The following CAMTA1 variants were observed in gnomAD, a reference collection of about 807,000 sequenced individuals.
The protein encoded by CAMTA1 is calmodulin-binding transcription activator 1.
In CAMTA1, 27 loss-of-function variants were observed where a neutral mutation model predicts 170.9. That is an observed-to-expected ratio of 0.16 (90% CI 0.12 to 0.22). The LOEUF is 0.22. CAMTA1 is among the 10% of genes least tolerant of loss of function. The pLI, the probability that CAMTA1 is intolerant of heterozygous loss-of-function variation, is 1.00. For missense variants in CAMTA1, 1,619 were observed against 2,217.2 expected (o/e 0.73, Z 5.42); for synonymous variants, 833 against 891.5 (o/e 0.93, Z 1.17).
rs1472671095 is a variant in CAMTA1 at position 6,855,112 on chromosome 1, CTT to C, written c.234+29904_234+29905del. On this transcript the variant is annotated intron_variant, in intron 3 of 22. Transcript: ENST00000303635. ...ATATGTAGAAAATTAAAAAAAACCTCTTTATAACTTATTATAAATAATAAGCT... is the reference window on the plus strand; with the variant it reads ...ATATGTAGAAAATTAAAAAAAACCTCTATAACTTATTATAAATAATAAGCT... Among the ~76,000 whole-genome samples, 4 of 152,132 alleles carry C rather than the reference CTT, an allele frequency of 2.6e-5. No homozygotes were observed. In the East Asian group the frequency reaches 7.7e-4, roughly 29 times the overall value.
chr1:7,309,602 A>C (rs1309465663), intron 5 of CAMTA1, among the ~76,000 whole-genome samples: 1 of 151,976 alleles, frequency 6.6e-6, no homozygotes, highest in Non-Finnish European at 1.5e-5. Flanking sequence ...CCCGGCCTGA[A>C]AACTTTTATT....
chr1:7,692,689 T>A (rs2096330769), intron 11 of CAMTA1, among the ~76,000 whole-genome samples: 1 of 152,118 alleles, frequency 6.6e-6, no homozygotes. Flanking sequence ...TGTTGAAGCC[T>A]CCCAGCACCC....
At chr1:7,576,556 C>T (rs2150364832) in intron 6 of CAMTA1, among the ~76,000 whole-genome samples, 1 of 152,334 alleles carries the variant, frequency 6.6e-6, no homozygotes, top group South Asian at 2.1e-4. Flanking sequence ...GAAGGGGCCT[C>T]ACCAGACACT....
rs2095021447 is a variant in CAMTA1, at chr1:7,565,024, T to G, written c.511-75376T>G. 2.1e-5 allele frequency among the ~76,000 whole-genome samples: 3 copies of G among 144,162 alleles called. No individual in the cohort carries two copies. Among genetic ancestry groups the G allele is most frequent in the African/African-American group, 5.2e-5 (2 of 38,794 alleles). 94.6% of individuals were successfully genotyped at this position (144,162 alleles called of 152,430 possible). A position where few individuals can be genotyped will look rare whatever the true frequency, so the allele number is the denominator to read the frequency against. On this transcript the variant is annotated intron_variant, in intron 6 of 22. Coordinates refer to ENST00000303635, the MANE Select transcript of CAMTA1 (RefSeq NM_015215.4). The surrounding 1 kb of genome is among the most constrained non-coding windows in gnomAD (Gnocchi z 4.5). ...GTGACAACCACGAGATCAAGGTGGATGGGGGGTGGGAGCAGAAGGGCAAGG... is the reference window on the plus strand; with the variant it reads ...GTGACAACCACGAGATCAAGGTGGAGGGGGGGTGGGAGCAGAAGGGCAAGG...
chr1:6,809,406 A>G (rs1451589099), intron 1 of CAMTA1, among the ~76,000 whole-genome samples: 1 of 152,104 alleles, frequency 6.6e-6, no homozygotes, highest in East Asian at 1.9e-4. Context: ...TGGGTCAAAG[A>G]TCAGGGAGTC....
At chr1:7,254,269 C>T (rs1047712828) in intron 5 of CAMTA1, among the ~76,000 whole-genome samples, 5 of 152,192 alleles carry the variant, frequency 3.3e-5, no homozygotes, top group Admixed American at 6.5e-5. Context: ...GCGGCCCTCT[C>T]GGCTCTTAAG....
rs576144919 is a variant in CAMTA1 at position 6,979,318 on chromosome 1, C to T, written c.235-111986C>T. Among the ~76,000 whole-genome samples the T allele has an allele frequency of 6.6e-5, 10 of 152,272 alleles. No homozygotes were observed. The South Asian group carries it at 1.0e-3, about 16-fold the overall frequency. On this transcript the variant is annotated intron_variant, in intron 3 of 22. Transcript: ENST00000303635. ...CCTCTCCCACTCTGCAGGCAGCTGCCGCCTCCTCCAACTCCTGGGCCTATT... is the reference window on the plus strand; with the variant it reads ...CCTCTCCCACTCTGCAGGCAGCTGCTGCCTCCTCCAACTCCTGGGCCTATT...
At chr1:7,142,053 G>T in intron 4 of CAMTA1, 1 of 516,000 alleles carries the variant, frequency 1.9e-6, no homozygotes. Flanking sequence ...GTGCTGGGAA[G>T]GGCCCTTGCT....
intron 6 of CAMTA1, among the ~76,000 whole-genome samples, chr1:7,501,274 T>C (rs192268740): frequency 9.1e-4 from 138 of 152,152 alleles, no homozygotes; most frequent in African/African-American, 3.3e-3. Flanking sequence ...GGGAGGCAGA[T>C]TGCTGAGATG....
Position 6,887,818 on chromosome 1 carries a change from T to TA in CAMTA1, c.234+62610dup. ...CTTTAAGACAGTTCTATTAGTGAAT[T>TA]AACTGTTCTCAAAACCCCAAATTAA... On this transcript the variant is annotated intron_variant, in intron 3 of 22. Coordinates refer to ENST00000303635, the MANE Select transcript of CAMTA1 (RefSeq NM_015215.4). This position sits in a 1 kb window ranked among gnomAD's most constrained non-coding sequence, Gnocchi z 4.1. 1 of 1,482,582 alleles carries TA rather than the reference T, an allele frequency of 6.7e-7. No individual in the cohort carries two copies. The highest frequency in any genetic ancestry group is 2.5e-5 in the Admixed American group (1 of 40,582). The allele number at this position is 1,482,582 out of a possible 1,614,324, so 91.8% of individuals were successfully genotyped here. A position where few individuals can be genotyped will look rare whatever the true frequency, so the allele number is the denominator to read the frequency against.
rs986204216 is a variant in CAMTA1, at chr1:6,970,664, A to G, written c.235-120640A>G. 1.3e-5 allele frequency among the ~76,000 whole-genome samples: 2 copies of G among 152,208 alleles called. No individual in the cohort carries two copies. The highest frequency in any genetic ancestry group is 2.4e-5 in the African/African-American group (1 of 41,464). On this transcript the variant is annotated intron_variant, in intron 3 of 22. Coordinates refer to ENST00000303635, the MANE Select transcript of CAMTA1 (RefSeq NM_015215.4). This position sits in a 1 kb window ranked among gnomAD's most constrained non-coding sequence, Gnocchi z 4.4. Reference sequence around the variant, plus strand: ...ATAGTTAGGAATGTGATCGATGTGCATATCAGAAGCACAGGGGGCTACTAG... The same window carrying G: ...ATAGTTAGGAATGTGATCGATGTGCGTATCAGAAGCACAGGGGGCTACTAG...
At position 7,320,656 on chromosome 1, in the gene CAMTA1, T is replaced by G. The variant is rs12123645; in HGVS notation, c.438+71030T>G. 7.1e-3 allele frequency among the ~76,000 whole-genome samples: 638 copies of G among 89,252 alleles called. 9 individuals are homozygous for G. Among genetic ancestry groups the G allele is most frequent in the African/African-American group, 0.015 (462 of 31,796 alleles). 58.6% of individuals were successfully genotyped at this position (89,252 alleles called of 152,430 possible). On this transcript the variant is annotated intron_variant, in intron 5 of 22. Transcript: ENST00000303635. ...CTGGGCTGTGCTGTGTGTGTTTTTT[T>G]TTTTTTTTTTTTTTTTTTGCTATCT...
chr1:7,548,588 GT>G (rs2094740309), intron 6 of CAMTA1, among the ~76,000 whole-genome samples: 2 of 146,890 alleles, frequency 1.4e-5, no homozygotes, highest in African/African-American at 5.1e-5. Context: ...GGTGTAGGGT[GT>G]CCCCTTAGGG....
At chr1:7,061,988 G>T (rs1708287141) in intron 3 of CAMTA1, among the ~76,000 whole-genome samples, 1 of 152,034 alleles carries the variant, frequency 6.6e-6, no homozygotes, top group African/African-American at 2.4e-5. Flanking sequence ...CACGATTTTG[G>T]CTCACTGCAA....
rs1422060229 is a variant in CAMTA1, at chr1:7,325,830, G to T, written c.438+76204G>T. 6.6e-6 allele frequency among the ~76,000 whole-genome samples: 1 copy of T among 151,076 alleles called. No individual in the cohort carries two copies. Among genetic ancestry groups the T allele is most frequent in the Admixed American group, 6.6e-5 (1 of 15,192 alleles). ...GCATTTCAAGGGCAGATCCAGGTTT[G>T]GTTTGTTGTTGGTGGGTTTTTTTGT... On this transcript the variant is annotated intron_variant, in intron 5 of 22. Transcript: ENST00000303635. This position sits in a 1 kb window ranked among gnomAD's most constrained non-coding sequence, Gnocchi z 5.0.
At chr1:7,339,243 A>T (rs1380490852) in intron 5 of CAMTA1, among the ~76,000 whole-genome samples, 1 of 152,172 alleles carries the variant, frequency 6.6e-6, no homozygotes, top group Non-Finnish European at 1.5e-5. Context: ...TACTAAAGCC[A>T]CTCCATTGTA....
At position 7,113,655 on chromosome 1, in the gene CAMTA1, A is replaced by G. The variant is rs746204127; in HGVS notation, c.302+22284A>G. Among the ~76,000 whole-genome samples, 2 of 152,258 alleles carry G rather than the reference A, an allele frequency of 1.3e-5. No homozygotes were observed. Among genetic ancestry groups the G allele is most frequent in the Non-Finnish European group, 2.9e-5 (2 of 68,048 alleles). Reference sequence around the variant, plus strand: ...TTATATTCTAACATGGTAATGAGGAAGCGGCTTTTGTCCAAGAGGTGAGAT... The same window carrying G: ...TTATATTCTAACATGGTAATGAGGAGGCGGCTTTTGTCCAAGAGGTGAGAT... On this transcript the variant is annotated intron_variant, in intron 4 of 22. Coordinates refer to ENST00000303635, the MANE Select transcript of CAMTA1 (RefSeq NM_015215.4). This position sits in a 1 kb window ranked among gnomAD's most constrained non-coding sequence, Gnocchi z 4.5.
intron 2 of CAMTA1, among the ~76,000 whole-genome samples, chr1:6,823,331 C>T (rs1412337320): frequency 6.6e-6 from 1 of 152,084 alleles, no homozygotes; most frequent in Non-Finnish European, 1.5e-5. Context: ...GTAATTCATA[C>T]AGAACTTTCT....
At chr1:7,221,928 T>C (rs74051197) in intron 4 of CAMTA1, among the ~76,000 whole-genome samples, 4,164 of 124,038 alleles carry the variant, frequency 0.034, 201 homozygotes, top group African/African-American at 0.13. Flanking sequence ...CACACACACA[T>C]ACACACACAC....
Sources: allele counts gnomAD v4.1 joint callset (sites outside exome capture counted in the v4.1 genomes callset), GRCh38; gene constraint gnomAD v4.1.1; non-coding constraint Gnocchi (gnomAD v3.1); transcripts MANE v1.5; gene names NCBI Gene and HGNC (gene_info 2026-07-23, HGNC 2026-07-21).